SPAG16: variants seen among roughly 807,000 people sequenced by gnomAD.
SPAG16 encodes sperm-associated antigen 16 protein.
Under a neutral mutation model 80.4 loss-of-function variants are expected in SPAG16, and 86 were observed. That is an observed-to-expected ratio of 1.07 (90% confidence interval 0.90 to 1.28). The LOEUF (loss-of-function observed/expected upper bound fraction) is 1.28, where lower values mean the gene tolerates loss of function less well. Ranked by LOEUF, SPAG16 falls within the 50% of genes most tolerant of loss-of-function variation. SPAG16 has a pLI of 0.00. For synonymous variants in SPAG16, 294 were observed against 265.9 expected, an observed-to-expected ratio of 1.11 and a Z score of -1.03; for missense variants, 870 against 765.3, an observed-to-expected ratio of 1.14 and a Z score of -1.61.
intron 15 of SPAG16, among the ~76,000 whole-genome samples, chr2:214,268,065 A>T (rs778139624): frequency 6.6e-6 from 1 of 151,994 alleles, no homozygotes; most frequent in African/African-American, 2.4e-5. Context: ...CAACAGATAC[A>T]TGAGAAAATG....
intron 11 of SPAG16, among the ~76,000 whole-genome samples, chr2:213,904,600 CAAAAAAAAAAAA>C (rs34952255): frequency 6.7e-5 from 6 of 89,478 alleles, no homozygotes; most frequent in African/African-American, 2.6e-4. Context: ...ATAAATTTTG[CAAAAAAAAAAAA>C]AAAAAAAAAC....
At chr2:213,404,234 G>A (rs1165082879) in intron 9 of SPAG16, among the ~76,000 whole-genome samples, 1 of 152,144 alleles carries the variant, frequency 6.6e-6, no homozygotes, top group East Asian at 1.9e-4. Context: ...AACCAAACAA[G>A]AGCCCGCATT....
chr2:214,389,879 G>A (rs1280163538), intron 15 of SPAG16, among the ~76,000 whole-genome samples: 2 of 152,092 alleles, frequency 1.3e-5, no homozygotes, highest in Non-Finnish European at 2.9e-5. Flanking sequence ...TTCAGTTAGG[G>A]CATTAGTCTG....
chr2:214,218,218 T>G (rs1456567433), intron 15 of SPAG16, among the ~76,000 whole-genome samples: 1 of 152,118 alleles, frequency 6.6e-6, no homozygotes, highest in South Asian at 2.1e-4. Context: ...GGTTGAAGCA[T>G]AGGAAAAAAA....
chr2:214,168,309 A>G (rs894725098), intron 15 of SPAG16, among the ~76,000 whole-genome samples: 1 of 151,968 alleles, frequency 6.6e-6, no homozygotes, highest in Non-Finnish European at 1.5e-5. Flanking sequence ...TAATTTTTCT[A>G]TGCTTAAGTT....
intron 3 of SPAG16, among the ~76,000 whole-genome samples, chr2:213,299,306 CTTT>C (rs879661896): frequency 4.2e-5 from 6 of 142,696 alleles, no homozygotes; most frequent in African/African-American, 2.5e-5. Flanking sequence ...TTATGATTTC[CTTT>C]TTTTTTTTTT....
At position 213,929,994 on chromosome 2, in the gene SPAG16, A is replaced by G. The variant is rs1320645385; in HGVS notation, c.1249A>G (p.Thr417Ala). ...DKLATSSGDT[T>A]VKLWDLCKGD... ...ATTGGCTACTTCAAGTGGTGACACT[A>G]CAGTTAAATTATGGGATCTATGTAA... Residue 417 changes from threonine to alanine, a missense_variant, in exon 12 of 16, where the codon ACA becomes GCA. By Grantham distance (58) the Thr-to-Ala change is moderately conservative (BLOSUM62 0). Transcript: ENST00000331683. The G allele has an allele frequency of 2.5e-6, 4 of 1,613,624 alleles. No homozygotes were observed. The highest frequency in any genetic ancestry group is 3.4e-6 in the Non-Finnish European group (4 of 1,179,780).
intron 3 of SPAG16, among the ~76,000 whole-genome samples, chr2:213,300,104 T>C (rs1431946556): frequency 6.6e-6 from 1 of 152,204 alleles, no homozygotes; most frequent in Non-Finnish European, 1.5e-5. Context: ...CAGAGGTCTT[T>C]TATACTGCTG....
At chr2:213,763,359 G>C (rs2556299) in intron 10 of SPAG16, among the ~76,000 whole-genome samples, 45,867 of 151,978 alleles carry the variant, frequency 0.3, 6,907 homozygotes, top group Middle Eastern at 0.42. Flanking sequence ...ATTTATAATA[G>C]CTAAAAATTA....
chr2:213,661,957 T>C (rs1027188620), intron 10 of SPAG16, among the ~76,000 whole-genome samples: 2 of 152,198 alleles, frequency 1.3e-5, no homozygotes, highest in Non-Finnish European at 2.9e-5. Context: ...AGAATGTTTA[T>C]GATACTTATG....
intron 14 of SPAG16, among the ~76,000 whole-genome samples, chr2:214,121,068 T>TTCAA (rs2054197123): frequency 6.6e-6 from 1 of 151,830 alleles, no homozygotes; most frequent in African/African-American, 2.4e-5. Context: ...TGGGGATTTT[T>TTCAA]GTCTGTTTAC....
At chr2:213,993,009 G>T (rs1384176438) in intron 12 of SPAG16, among the ~76,000 whole-genome samples, 1 of 152,188 alleles carries the variant, frequency 6.6e-6, no homozygotes, top group Non-Finnish European at 1.5e-5. Flanking sequence ...AAAACTAACA[G>T]CAACATAACG....
At chr2:214,176,841 A>C (rs2057101982) in intron 15 of SPAG16, among the ~76,000 whole-genome samples, 1 of 139,018 alleles carries the variant, frequency 7.2e-6, no homozygotes. Context: ...ATATGTATCT[A>C]AAAATAGTTC....
chr2:213,594,368 A>G (rs1334367710), intron 10 of SPAG16, among the ~76,000 whole-genome samples: 3 of 152,172 alleles, frequency 2.0e-5, no homozygotes, highest in South Asian at 2.1e-4. Context: ...AGCATGGTAG[A>G]TAAGGTCCTC....
intron 12 of SPAG16, among the ~76,000 whole-genome samples, chr2:213,987,827 T>C (rs1164318882): frequency 6.8e-6 from 1 of 147,726 alleles, no homozygotes; most frequent in Non-Finnish European, 1.5e-5. Context: ...TATATACATA[T>C]TTATATTATA....
intron 10 of SPAG16, among the ~76,000 whole-genome samples, chr2:213,852,332 G>T (rs987325628): frequency 3.3e-5 from 5 of 152,164 alleles, no homozygotes; most frequent in Non-Finnish European, 7.4e-5. Flanking sequence ...AGCAGCTACA[G>T]ATATCTTTTT....
chr2:213,973,913 G>A (rs761034997), intron 12 of SPAG16, among the ~76,000 whole-genome samples: 49 of 152,082 alleles, frequency 3.2e-4, no homozygotes, highest in Non-Finnish European at 5.3e-4. Flanking sequence ...GGTGGAAGAC[G>A]GACCCTCAAG....
chr2:213,446,134 G>A (rs147444695), intron 9 of SPAG16, among the ~76,000 whole-genome samples: 497 of 152,314 alleles, frequency 3.3e-3, no homozygotes, highest in Non-Finnish European at 6.2e-3. Flanking sequence ...AGGAACATCA[G>A]CCCACACAGA....
At chr2:213,660,310 G>T (rs1421485797) in intron 10 of SPAG16, among the ~76,000 whole-genome samples, 6 of 143,062 alleles carry the variant, frequency 4.2e-5, no homozygotes, top group Non-Finnish European at 7.6e-5. Flanking sequence ...TCACTTTGTT[G>T]CCAGGCTTGA....
Sources: gnomAD v4.1 joint callset for allele counts (sites outside exome capture counted in the v4.1 genomes callset) on GRCh38, gnomAD v4.1.1 for gene constraint, MANE v1.5 for transcripts, NCBI Gene and HGNC (gene_info 2026-07-23, HGNC 2026-07-21) for gene names.